CHRDL2: variants seen among roughly 807,000 people sequenced by gnomAD.
CHRDL2 encodes chordin-like protein 2.
In CHRDL2, 41 loss-of-function variants were observed where a neutral mutation model predicts 54.3. The ratio of observed to expected loss-of-function variants is 0.76; its 90% CI spans 0.59 to 0.98. The LOEUF (loss-of-function observed/expected upper bound fraction) is 0.98. CHRDL2 is among the 50% of genes least tolerant of loss of function. CHRDL2 has a pLI of 0.00. For missense variants in CHRDL2, 518 were observed against 562.4 expected, an observed-to-expected ratio of 0.92 and a Z score of 0.80; for synonymous variants, 220 against 224.3, an observed-to-expected ratio of 0.98 and a Z score of 0.17.
chr11:74,724,713 C>A (rs1030943477), intron 1 of CHRDL2, among the ~76,000 whole-genome samples: 5 of 152,250 alleles, frequency 3.3e-5, no homozygotes, highest in African/African-American at 1.2e-4. Context: ...CTGCCCCAAA[C>A]TTCCAGCCAC....
intron 7 of CHRDL2, among the ~76,000 whole-genome samples, chr11:74,703,902 G>A (rs75090896): frequency 0.022 from 3,414 of 152,262 alleles, 119 homozygotes; most frequent in African/African-American, 0.079. Context: ...CCAGGACTCA[G>A]TAGCCCCATA....
At chr11:74,723,979 G>A (rs575729959) in intron 1 of CHRDL2, among the ~76,000 whole-genome samples, 2 of 152,184 alleles carry the variant, frequency 1.3e-5, no homozygotes, top group African/African-American at 4.8e-5. Flanking sequence ...TGAACTTTTT[G>A]TATGTCAAAT....
chr11:74,703,251 G>A, intron 8 of CHRDL2, 54 bp downstream of exon 8: 1 of 1,519,508 alleles, frequency 6.6e-7, no homozygotes. Context: ...TGGGGAGAGA[G>A]ACCCAGGGCT....
chr11:74,698,332 C>T (rs1379313082), intron 9 of CHRDL2: 1 of 151,800 alleles, frequency 6.6e-6, no homozygotes, highest in Non-Finnish European at 1.5e-5. Context: ...CCTCCCAAAG[C>T]ACAAGCTGGG....
chr11:74,727,500 G>A (rs1463380952), intron 1 of CHRDL2, among the ~76,000 whole-genome samples: 5 of 152,158 alleles, frequency 3.3e-5, no homozygotes, highest in Admixed American at 2.0e-4. Context: ...CATCTTCTGG[G>A]CTCAAGCAAT....
chr11:74,724,284 C>A (rs951882055), intron 1 of CHRDL2, among the ~76,000 whole-genome samples: 2 of 152,268 alleles, frequency 1.3e-5, no homozygotes, highest in Non-Finnish European at 2.9e-5. Flanking sequence ...TTCTCTTTGG[C>A]ATATCCAAAG....
chr11:74,716,308 G>C (rs1173085454), intron 2 of CHRDL2, among the ~76,000 whole-genome samples: 1 of 151,690 alleles, frequency 6.6e-6, no homozygotes, highest in African/African-American at 2.4e-5. Flanking sequence ...AGGCCAAAGA[G>C]GGCAGATCAT....
chr11:74,725,887 TTCTC>T (rs749069906), intron 1 of CHRDL2, among the ~76,000 whole-genome samples: 1 of 152,064 alleles, frequency 6.6e-6, no homozygotes, highest in Non-Finnish European at 1.5e-5. Flanking sequence ...CAGCCATACT[TTCTC>T]TATTTATTTA....
chr11:74,724,068 A>G (rs574496820), intron 1 of CHRDL2, among the ~76,000 whole-genome samples: 1 of 152,386 alleles, frequency 6.6e-6, no homozygotes, highest in African/African-American at 2.4e-5. Context: ...AGTGAAGAAC[A>G]CAGATAGATA....
chr11:74,706,660 C>A, intron 5 of CHRDL2, 118 bp from the exon 6 acceptor site: 1 of 873,048 alleles, frequency 1.1e-6, no homozygotes, highest in Non-Finnish European at 1.9e-6. Flanking sequence ...CCATCTGCAG[C>A]CCCAGCCCAC....
intron 9 of CHRDL2, chr11:74,697,724 T>C: frequency 2.6e-6 from 1 of 379,228 alleles, no homozygotes; most frequent in Non-Finnish European, 5.2e-6. Context: ...CACCCACCTG[T>C]CCCCAGTGCA....
Position 74,730,942 on chromosome 11 carries a change from A to G in CHRDL2, c.-54T>C, listed in dbSNP as rs371562470. The G allele has an allele frequency of 1.8e-4, 263 of 1,457,976 alleles. 1 individual carries two copies. In the East Asian group the frequency reaches 6.0e-3, roughly 33 times the overall value. The allele number at this position is 1,457,976 out of a possible 1,614,324, so 90.3% of individuals were successfully genotyped here. A position where few individuals can be genotyped will look rare whatever the true frequency, so the allele number is the denominator to read the frequency against. On this transcript the variant is annotated 5_prime_UTR_variant, in exon 1 of 11. Coordinates refer to ENST00000376332, the MANE Select transcript of CHRDL2 (RefSeq NM_001278473.3). ...GGGAGCGGAGTCGGGAGGAAGGGAG[A>G]CGAAAAGGACACGGAGGCACAGGGG...
At chr11:74,711,103 T>C (rs1469592911) in intron 3 of CHRDL2, 112 bp from the exon 4 acceptor site, 2 of 1,249,332 alleles carry the variant, frequency 1.6e-6, no homozygotes, top group Non-Finnish European at 1.1e-6. Context: ...CAGCTTGATA[T>C]TTAAACCAAG....
chr11:74,720,969 T>A (rs2034488356), intron 1 of CHRDL2, among the ~76,000 whole-genome samples: 1 of 152,220 alleles, frequency 6.6e-6, no homozygotes, highest in Non-Finnish European at 1.5e-5. Flanking sequence ...GCCTTCAGTC[T>A]GTGCTTCGAG....
At chr11:74,711,265 G>C (rs1055316007) in intron 3 of CHRDL2, among the ~76,000 whole-genome samples, 7 of 152,126 alleles carry the variant, frequency 4.6e-5, no homozygotes, top group Admixed American at 1.3e-4. Context: ...AGAGCAAGAA[G>C]GTAAAGCCGG....
rs200798375 is a variant in CHRDL2, at chr11:74,730,856, C to T, written c.33G>A (p.Leu11=). The T allele has an allele frequency of 8.7e-6, 14 of 1,612,660 alleles. No individual in the cohort carries two copies. The highest frequency in any genetic ancestry group is 3.3e-5 in the South Asian group (3 of 90,598). MVPEVRVLSS[L]LGLALLWFPL... is the part of the protein sequence containing the mutation. ...GGAACCAGAGCAGCGCGAGTCCCAGCAAGGAGGAGAGGACCCTCACCTCGG... is the reference window on the plus strand; with the variant it reads ...GGAACCAGAGCAGCGCGAGTCCCAGTAAGGAGGAGAGGACCCTCACCTCGG... Residue 11 remains leucine (L), a synonymous_variant, in exon 1 of 11, where the codon TTG becomes TTA. Transcript: ENST00000376332.
intron 6 of CHRDL2, 92 bp from the exon 7 acceptor site, chr11:74,704,746 G>T: frequency 7.6e-7 from 1 of 1,316,394 alleles, no homozygotes; most frequent in Non-Finnish European, 1.1e-6. Context: ...GCAAGAGGCT[G>T]TGGGGAGACC....
intron 1 of CHRDL2, among the ~76,000 whole-genome samples, chr11:74,721,713 T>C (rs1396787198): frequency 6.6e-6 from 1 of 152,262 alleles, no homozygotes; most frequent in Non-Finnish European, 1.5e-5. Flanking sequence ...TGAAAACAGT[T>C]TTAGTTCTTT....
At chr11:74,704,353 G>A in intron 7 of CHRDL2, 133 bp downstream of exon 7, 2 of 793,568 alleles carry the variant, frequency 2.5e-6, no homozygotes, top group South Asian at 1.9e-5. Flanking sequence ...CGTTCTCCGA[G>A]TCTACAAGCT....
Sources: gnomAD v4.1 joint callset for allele counts (sites outside exome capture counted in the v4.1 genomes callset) on GRCh38, gnomAD v4.1.1 for gene constraint, MANE v1.5 for transcripts, NCBI Gene and HGNC (gene_info 2026-07-23, HGNC 2026-07-21) for gene names.